The following ESR2 variants were observed in gnomAD, a reference collection of about 807,000 sequenced individuals.
The protein encoded by ESR2 is estrogen receptor 2.
ESR2 carries 36 observed loss-of-function variants against 49.6 expected under a neutral mutation model. The ratio of observed to expected loss-of-function variants is 0.73; its 90% CI spans 0.56 to 0.96. ESR2 has a LOEUF of 0.96. ESR2 is among the 40% of genes least tolerant of loss of function. The pLI, the probability that ESR2 is intolerant of heterozygous loss-of-function variation, is 0.00. For synonymous variants in ESR2, 320 were observed against 266.1 expected, an observed-to-expected ratio of 1.20 and a Z score of -1.97; for missense variants, 714 against 693.0, an observed-to-expected ratio of 1.03 and a Z score of -0.34.
intron 1 of ESR2, among the ~76,000 whole-genome samples, chr14:64,325,980 A>AATTTTTTT (rs564056972): frequency 6.9e-6 from 1 of 144,150 alleles, no homozygotes. Flanking sequence ...TTATACACAG[A>AATTTTTTT]TTTTTTTTTT....
Position 64,230,446 on chromosome 14 carries a change from T to C in ESR2, c.*2691A>G, listed in dbSNP as rs535614096. Among the ~76,000 whole-genome samples the C allele has an allele frequency of 6.6e-6, 1 of 152,250 alleles. No individual in the cohort carries two copies. The highest frequency in any genetic ancestry group is 2.4e-5 in the African/African-American group (1 of 41,546). ...AACTGATTTTTCTTCCTTACTGAAA[T>C]CTAAGATAGTTGCCCTTCCAGCTGA... On this transcript the variant is annotated 3_prime_UTR_variant, in exon 9 of 9. Transcript: ENST00000341099.
downstream of ESR2, chr14:64,227,585 G>A: frequency 6.2e-7 from 1 of 1,614,216 alleles, no homozygotes; most frequent in Non-Finnish European, 8.5e-7. Context: ...CATTCCAAAT[G>A]AGGTGAGTGT....
At chr14:64,299,399 CTT>C (rs541707521), upstream of ESR2, among the ~76,000 whole-genome samples, 3,663 of 125,616 alleles carry the variant, frequency 0.029, 41 homozygotes, top group African/African-American at 0.06. Context: ...ACAGAAATAG[CTT>C]TTTTTTTTTT....
intron 7 of ESR2, among the ~76,000 whole-genome samples, chr14:64,247,473 C>T (rs1227906656): frequency 1.3e-5 from 2 of 152,174 alleles, no homozygotes; most frequent in South Asian, 4.1e-4. Flanking sequence ...ATCTTGGCTT[C>T]AGGAACTGCT....
At chr14:64,300,026 G>T (rs892884410) in intron 1 of ESR2, among the ~76,000 whole-genome samples, 1 of 152,160 alleles carries the variant, frequency 6.6e-6, no homozygotes, top group Non-Finnish European at 1.5e-5. Flanking sequence ...TCCTCAGCCT[G>T]CTCCACGTAT....
chr14:64,235,909 G>A lies in ESR2; in HGVS notation c.1226-759C>T, dbSNP rs570435182. 1.3e-4 allele frequency among the ~76,000 whole-genome samples: 20 copies of A among 152,246 alleles called. No homozygotes were observed. In the East Asian group the frequency reaches 1.5e-3, roughly 12 times the overall value. On this transcript the variant is annotated intron_variant, in intron 7 of 8. Coordinates refer to ENST00000341099, the MANE Select transcript of ESR2 (RefSeq NM_001437.3). Reference sequence around the variant, plus strand: ...ACTGTGGCATCCCAATGGCAGCAAAGTAACAGCTCAGATAAATCTCCTCCC... The same window carrying A: ...ACTGTGGCATCCCAATGGCAGCAAAATAACAGCTCAGATAAATCTCCTCCC...
intron 1 of ESR2, among the ~76,000 whole-genome samples, chr14:64,283,747 CAAAAAAAAAAA>C (rs757997424): frequency 2.2e-5 from 1 of 45,548 alleles, no homozygotes; most frequent in South Asian, 1.3e-3. Flanking sequence ...GACCCTGTCT[CAAAAAAAAAAA>C]AAAAAAAAAA....
chr14:64,282,740 T>A lies in ESR2; in HGVS notation c.246A>T (p.Thr82=). 1 of 1,614,186 alleles carries A rather than the reference T, an allele frequency of 6.2e-7. No individual in the cohort carries two copies. The change falls in exon 2 of 9, where the codon ACA becomes ACT. Residue 82 remains threonine, a synonymous_variant. Coordinates refer to ENST00000341099, the MANE Select transcript of ESR2 (RefSeq NM_001437.3). ...QTTSPNVLWP[T]PGHLSPLVVH... ...CCACTAAAGGAGAAAGGTGCCCAGGTGTTGGCCACAACACATTTGGGCTTG... is the reference window on the plus strand; with the variant it reads ...CCACTAAAGGAGAAAGGTGCCCAGGAGTTGGCCACAACACATTTGGGCTTG...
downstream of ESR2, chr14:64,227,523 G>A: frequency 6.2e-7 from 1 of 1,614,056 alleles, no homozygotes; most frequent in African/African-American, 1.3e-5. Flanking sequence ...CCACCGAGTT[G>A]ATTAGAGGGT....
chr14:64,233,402 G>T, intron 8 of ESR2, 79 bp from the exon 9 acceptor site: 1 of 1,421,492 alleles, frequency 7.0e-7, no homozygotes, highest in Non-Finnish European at 9.7e-7. Flanking sequence ...GGCTCTCTTT[G>T]CTCAGAGCCA....
intron 6 of ESR2, among the ~76,000 whole-genome samples, chr14:64,252,476 T>C (rs1299234561): frequency 6.6e-6 from 1 of 152,188 alleles, no homozygotes; most frequent in African/African-American, 2.4e-5. Flanking sequence ...TTTGTATTAG[T>C]CCATTTTCAC....
chr14:64,314,259 C>G (rs1378921197), intron 1 of ESR2, among the ~76,000 whole-genome samples: 1 of 150,112 alleles, frequency 6.7e-6, no homozygotes, highest in Non-Finnish European at 1.5e-5. Context: ...AACAAGTACT[C>G]CTAAATAAAA....
At chr14:64,261,579 G>A (rs1052418133) in intron 4 of ESR2, among the ~76,000 whole-genome samples, 8 of 151,388 alleles carry the variant, frequency 5.3e-5, no homozygotes. Context: ...CACCATGCCT[G>A]GCTAATTTTT....
At position 64,260,580 on chromosome 14, in the gene ESR2, T is replaced by A. The variant is rs781190983; in HGVS notation, c.821A>T (p.Glu274Val). Residue 274 changes from glutamate to valine, a missense_variant, in exon 5 of 9, where the codon GAG (glutamate) becomes GTG (valine). Transcript: ENST00000341099. Reference sequence around the variant, plus strand: ...GATCAGCACATGGGGCGGCTCAGCCTCCAGGAGGGTGAGCACTAGCTGCTC... The same window carrying A: ...GATCAGCACATGGGGCGGCTCAGCCACCAGGAGGGTGAGCACTAGCTGCTC... ...SPEQLVLTLLEAEPPHVLISR... is the reference protein window; with the variant it reads ...SPEQLVLTLLVAEPPHVLISR... 4.4e-6 allele frequency: 7 copies of A among 1,607,548 alleles called. No individual in the cohort carries two copies. The Admixed American group carries it at 1.0e-4, about 23-fold the overall frequency.
At chr14:64,264,713 A>G (rs935984212) in intron 4 of ESR2, among the ~76,000 whole-genome samples, 14 of 152,202 alleles carry the variant, frequency 9.2e-5, no homozygotes, top group Admixed American at 9.2e-4. Flanking sequence ...TCTACAAAAA[A>G]TACAAAAATT....
intron 6 of ESR2, among the ~76,000 whole-genome samples, chr14:64,251,765 G>A (rs1393666299): frequency 1.3e-5 from 2 of 152,028 alleles, no homozygotes; most frequent in African/African-American, 2.4e-5. Context: ...TTCAAGGGGT[G>A]GCAAAGTTAG....
At chr14:64,233,414 T>C in intron 8 of ESR2, 91 bp from the exon 9 acceptor site, 1 of 1,270,544 alleles carries the variant, frequency 7.9e-7, no homozygotes, top group Non-Finnish European at 1.1e-6. Context: ...TCAGAGCCAG[T>C]CTACCCCACC....
At chr14:64,274,246 C>A (rs548067018) in intron 3 of ESR2, among the ~76,000 whole-genome samples, 1 of 152,190 alleles carries the variant, frequency 6.6e-6, no homozygotes, top group East Asian at 1.9e-4. Flanking sequence ...TTGTGCCCAG[C>A]TTGCTGGGAG....
upstream of ESR2, chr14:64,338,155 TG>T: frequency 6.4e-6 from 1 of 155,162 alleles, no homozygotes; most frequent in Non-Finnish European, 1.5e-5. Flanking sequence ...CCAGACCTGC[TG>T]GGGGGTGGGG....
Sources: allele counts gnomAD v4.1 joint callset (sites outside exome capture counted in the v4.1 genomes callset), GRCh38; gene constraint gnomAD v4.1.1; transcripts MANE v1.5; gene names NCBI Gene and HGNC (gene_info 2026-07-23, HGNC 2026-07-21).